Variants in LIG3 observed in about 807,000 individuals in gnomAD.
The protein encoded by LIG3 is ligase II, DNA, ATP-dependent.
LIG3 carries 58 observed loss-of-function variants against 110.9 expected under a neutral mutation model. The ratio of observed to expected loss-of-function variants is 0.52; its 90% CI spans 0.42 to 0.65. The LOEUF (loss-of-function observed/expected upper bound fraction) is 0.65. Ranked by LOEUF, LIG3 falls within the 30% of genes least tolerant of loss-of-function variation. The pLI is 0.00. For synonymous variants in LIG3, 422 were observed against 472.8 expected (o/e 0.89, Z 1.39); for missense variants, 1,094 against 1,273.8 (o/e 0.86, Z 2.15).
chr17:35,002,221 T>A (rs1461927681), intron 18 of LIG3, 117 bp downstream of exon 18: 2 of 887,040 alleles, frequency 2.3e-6, no homozygotes, highest in African/African-American at 3.4e-5. Context: ...CTGTGTCCAC[T>A]GCAGTGGACA....
chr17:34,995,928 A>G, intron 9 of LIG3, 136 bp from the exon 10 acceptor site: 2 of 1,084,522 alleles, frequency 1.8e-6, no homozygotes, highest in Non-Finnish European at 2.7e-6. Context: ...AGGCCTAGCT[A>G]TATGTTTTGC....
intron 2 of LIG3, 97 bp from the exon 3 acceptor site, chr17:34,985,891 A>G (rs889149066): frequency 1.4e-5 from 18 of 1,317,516 alleles, no homozygotes; most frequent in Non-Finnish European, 1.9e-5. Flanking sequence ...TAGTGACTTA[A>G]CAAGCAAGGC....
chr17:34,996,556 C>T lies in LIG3; in HGVS notation c.1744-18C>T. 6.2e-7 allele frequency: 1 copy of T among 1,604,150 alleles called. No homozygotes were observed. Among genetic ancestry groups the T allele is most frequent in the Non-Finnish European group, 8.5e-7 (1 of 1,171,426 alleles). On this transcript the variant is annotated intron_variant, in intron 10 of 19. Coordinates refer to ENST00000378526, the MANE Select transcript of LIG3 (RefSeq NM_013975.4). ...ACTTTTGTCCTATGTGTACCTACTA[C>T]CTCATTTTCCCTTACAGAAAGCAGC...
rs1293298947 is a variant in LIG3, at chr17:34,991,761, G to A, written c.1132G>A (p.Asp378Asn). ...GAGCCTCCTTACCATCCAGGAAGTGGATGAGTTCCTTCTGCGGCTGTCCAA... is the reference window on the plus strand; with the variant it reads ...GAGCCTCCTTACCATCCAGGAAGTGAATGAGTTCCTTCTGCGGCTGTCCAA... ...AKSLLTIQEVDEFLLRLSKLT... is the reference protein window; with the variant it reads ...AKSLLTIQEVNEFLLRLSKLT... Residue 378 changes from aspartate (D) to asparagine (N), a missense_variant, in exon 6 of 20, where the codon GAT (aspartate) becomes AAT (asparagine). Transcript: ENST00000378526. 1 of 1,614,116 alleles carries A rather than the reference G, an allele frequency of 6.2e-7. No homozygotes were observed. The highest frequency in any genetic ancestry group is 1.7e-5 in the Admixed American group (1 of 60,014).
Position 34,986,081 on chromosome 17 carries a change from G to A in LIG3, c.641G>A (p.Gly214Asp), listed in dbSNP as rs745664658. The change falls in exon 3 of 20, where the codon GGC becomes GAC. Residue 214 changes from glycine to aspartate, a missense_variant. By Grantham distance (94) the Gly-to-Asp change is moderately conservative (BLOSUM62 -1). Coordinates refer to ENST00000378526, the MANE Select transcript of LIG3 (RefSeq NM_013975.4). ...TTGQVTSPVK[G>D]ASFVTSTNPR... ...GGCCAGGTGACTTCTCCAGTGAAAG[G>A]CGCCTCATTTGTCACCAGTACCAAT... 5.6e-6 allele frequency: 9 copies of A among 1,614,034 alleles called. No homozygotes were observed. The highest frequency in any genetic ancestry group is 7.6e-6 in the Non-Finnish European group (9 of 1,180,006).
chr17:34,991,153 T>G (rs1597794598), intron 5 of LIG3, 39 bp downstream of exon 5: 1 of 1,595,370 alleles, frequency 6.3e-7, no homozygotes. Context: ...ACATTCCAGG[T>G]GGGGTTTTGC....
chr17:34,987,643 G>T (rs2090670654), intron 3 of LIG3, among the ~76,000 whole-genome samples: 1 of 152,222 alleles, frequency 6.6e-6, no homozygotes, highest in Admixed American at 6.5e-5. Context: ...TCAGATCCCT[G>T]AGCACGTCCT....
At chr17:34,982,609 T>C (rs891156690) in intron 1 of LIG3, among the ~76,000 whole-genome samples, 2 of 150,066 alleles carry the variant, frequency 1.3e-5, no homozygotes, top group Non-Finnish European at 3.0e-5. Flanking sequence ...ATCGCGCCAA[T>C]GTACTCCAGC....
intron 8 of LIG3, 37 bp from the exon 9 acceptor site, chr17:34,994,239 A>G (rs764387548): frequency 6.3e-7 from 1 of 1,595,300 alleles, no homozygotes; most frequent in Non-Finnish European, 8.5e-7. Context: ...GCAGCCCCTC[A>G]TTGAAAGTCT....
chr17:34,982,664 A>G (rs1322619864), intron 1 of LIG3, among the ~76,000 whole-genome samples: 1 of 151,706 alleles, frequency 6.6e-6, no homozygotes, highest in Non-Finnish European at 1.5e-5. Context: ...AAAAAAAAAG[A>G]AAGTTCAGGA....
intron 19 of LIG3, 130 bp from the exon 20 acceptor site, chr17:35,004,143 G>A: frequency 1.5e-6 from 1 of 659,776 alleles, no homozygotes; most frequent in Non-Finnish European, 2.7e-6. Context: ...TTGATGCATG[G>A]TATTCCAGTA....
At chr17:34,985,201 G>C (rs1597789977) in intron 2 of LIG3, among the ~76,000 whole-genome samples, 1 of 152,164 alleles carries the variant, frequency 6.6e-6, no homozygotes, top group Non-Finnish European at 1.5e-5. Context: ...ATTTACATAT[G>C]CATATTTTAG....
At chr17:34,986,242 A>C in intron 3 of LIG3, 111 bp downstream of exon 3, 5 of 1,093,990 alleles carry the variant, frequency 4.6e-6, no homozygotes, top group Non-Finnish European at 6.7e-6. Flanking sequence ...CTCATTAATA[A>C]TTTGCTTCTG....
At chr17:34,996,772 C>T (rs1207154045) in intron 11 of LIG3, 119 bp downstream of exon 11, 11 of 829,992 alleles carry the variant, frequency 1.3e-5, no homozygotes, top group Admixed American at 7.9e-5. Flanking sequence ...CTGGCACATA[C>T]GTTTGTGCTC....
chr17:34,989,593 G>A lies in LIG3; in HGVS notation c.819G>A (p.Val273=). 3 of 1,614,072 alleles carry A rather than the reference G, an allele frequency of 1.9e-6. No individual in the cohort carries two copies. Among genetic ancestry groups the A allele is most frequent in the Non-Finnish European group, 1.7e-6 (2 of 1,180,020 alleles). ...AGTTTCGAAAGTTATGCGCCATGGT[G>A]GCCGATAATCCTAGCTACAACACGA... ...LREFRKLCAM[V]ADNPSYNTKT... The change falls in exon 4 of 20, where the codon GTG becomes GTA. Residue 273 remains valine (V), a synonymous_variant. Coordinates refer to ENST00000378526, the MANE Select transcript of LIG3 (RefSeq NM_013975.4).
Position 34,997,804 on chromosome 17 carries a change from C to T in LIG3, c.1890C>T (p.Phe630=), listed in dbSNP as rs751598591. The change falls in exon 12 of 20, where the codon TTC becomes TTT. Residue 630 remains phenylalanine (F), a synonymous_variant. Transcript: ENST00000378526. ...TTGAAATTCCAAACCGGATCATGTT[C>T]TCAGAAATGAAGCGAGTCACAGTAA... is the stretch of plus-strand genomic sequence containing the variant. The part of the protein sequence containing the change: ...NMVEIPNRIM[F]SEMKRVTKAL... The T allele has an allele frequency of 6.2e-6, 10 of 1,613,920 alleles. No homozygotes were observed. The East Asian group carries it at 8.9e-5, about 14-fold the overall frequency.
chr17:34,994,341 C>T lies in LIG3; in HGVS notation c.1521C>T (p.Ile507=). The T allele has an allele frequency of 6.2e-7, 1 of 1,614,108 alleles. No homozygotes were observed. Among genetic ancestry groups the T allele is most frequent in the Non-Finnish European group, 8.5e-7 (1 of 1,179,976 alleles). The change falls in exon 9 of 20, where the codon ATC becomes ATT. Residue 507 remains isoleucine (I), a synonymous_variant. Transcript: ENST00000378526. ...KKCPNGMFSE[I]KYDGERVQVH... is the part of the protein sequence containing the mutation. The stretch of plus-strand genomic sequence containing the variant: ...GTCCCAATGGCATGTTCTCTGAGAT[C>T]AAGTACGATGGAGAGCGAGTCCAGG...
chr17:34,980,635 G>GCGGCGCGGCA lies in LIG3; in HGVS notation c.-5+23_-5+32dup, dbSNP rs763947631. 8.7e-6 allele frequency: 11 copies of GCGGCGCGGCA among 1,260,898 alleles called. No homozygotes were observed. The highest frequency in any genetic ancestry group is 7.7e-5 in the South Asian group (6 of 78,086). The allele number at this position is 1,260,898 out of a possible 1,614,324, so 78.1% of individuals were successfully genotyped here. A position where few individuals can be genotyped will look rare whatever the true frequency, so the allele number is the denominator to read the frequency against. On this transcript the variant is annotated intron_variant, in intron 1 of 19. Coordinates refer to ENST00000378526, the MANE Select transcript of LIG3 (RefSeq NM_013975.4). ...GCCGGAGAGGCAGGTGAGGGGCTACGCGGCGCGGCACGGCGCGGCGGGGCC... is the reference window on the plus strand; with the variant it reads ...GCCGGAGAGGCAGGTGAGGGGCTACGCGGCGCGGCACGGCGCGGCACGGCGCGGCGGGGCC...
intron 13 of LIG3, 117 bp from the exon 14 acceptor site, chr17:34,998,487 G>A: frequency 7.5e-7 from 1 of 1,326,466 alleles, no homozygotes; most frequent in South Asian, 1.3e-5. Flanking sequence ...GGAGCCTGAG[G>A]GCTCTTACCC....
Sources: allele counts gnomAD v4.1 joint callset (sites outside exome capture counted in the v4.1 genomes callset), GRCh38; gene constraint gnomAD v4.1.1; transcripts MANE v1.5; gene names NCBI Gene and HGNC (gene_info 2026-07-23, HGNC 2026-07-21).